The following PCNT variants were observed in gnomAD, a reference collection of about 807,000 sequenced individuals.
PCNT encodes pericentrin, also known as kendrin.
Under a neutral mutation model 380.4 loss-of-function variants are expected in PCNT, and 319 were observed. The observed-to-expected ratio is 0.84, with a 90% confidence interval of 0.77 to 0.92. The LOEUF is 0.92. Among genes scored for constraint, PCNT ranks in the 40% least tolerant of loss-of-function variants. The pLI is 0.00. For synonymous variants in PCNT, 1,845 were observed against 1,735.2 expected, an observed-to-expected ratio of 1.06 and a Z score of -1.57; for missense variants, 4,400 against 4,255.3, an observed-to-expected ratio of 1.03 and a Z score of -0.95.
At chr21:46,419,743 C>T (rs776516899) in intron 31 of PCNT, among the ~76,000 whole-genome samples, 1 of 152,168 alleles carries the variant, frequency 6.6e-6, no homozygotes, top group Non-Finnish European at 1.5e-5. Flanking sequence ...CCCTCCTCAA[C>T]GGTCTCTTAT....
Position 46,348,852 on chromosome 21 carries a change from C to G in PCNT, c.1033-160C>G, listed in dbSNP as rs111638784. 6.3e-3 allele frequency among the ~76,000 whole-genome samples: 960 copies of G among 152,170 alleles called. 12 individuals carry two copies. The highest frequency in any genetic ancestry group is 0.022 in the African/African-American group (920 of 41,516). On this transcript the variant is annotated intron_variant, in intron 6 of 46. Transcript: ENST00000359568. Reference sequence around the variant, plus strand: ...CCGGGCTGGTCTGTAACCCTAACTCCTGGGCTCAGGCGATCTGCCTGCCTC... The same window carrying G: ...CCGGGCTGGTCTGTAACCCTAACTCGTGGGCTCAGGCGATCTGCCTGCCTC...
intron 32 of PCNT, among the ~76,000 whole-genome samples, chr21:46,423,154 A>G (rs1193053770): frequency 8.4e-6 from 1 of 119,726 alleles, no homozygotes; most frequent in Non-Finnish European, 1.9e-5. Flanking sequence ...TTAAACATGG[A>G]AATTGGAGAT....
chr21:46,384,818 G>A (rs187384828), intron 16 of PCNT, among the ~76,000 whole-genome samples: 18 of 152,104 alleles, frequency 1.2e-4, no homozygotes, highest in East Asian at 9.6e-4. Flanking sequence ...TGCGTTGAGC[G>A]GCGGAAGCGC....
At chr21:46,430,900 C>CT (rs994427043) in intron 37 of PCNT, 8 of 985,336 alleles carry the variant, frequency 8.1e-6, no homozygotes, top group Non-Finnish European at 9.6e-6. Context: ...GGAGCCCCCC[C>CT]CCGTCCCTGA....
At chr21:46,373,252 AG>A (rs1305653076) in intron 15 of PCNT, among the ~76,000 whole-genome samples, 1 of 151,696 alleles carries the variant, frequency 6.6e-6, no homozygotes, top group Non-Finnish European at 1.5e-5. Context: ...CCTGGCCTCA[AG>A]CAATCCTTTT....
At chr21:46,436,341 G>GA (rs1053185903) in intron 39 of PCNT, among the ~76,000 whole-genome samples, 193 bp downstream of exon 39, 20 of 152,106 alleles carry the variant, frequency 1.3e-4, no homozygotes, top group South Asian at 4.1e-4. Flanking sequence ...TAATGTCAGA[G>GA]AAAAAAATCC....
Position 46,349,658 on chromosome 21 carries a change from C to G in PCNT, c.1208-26C>G, listed in dbSNP as rs1438246278. The G allele has an allele frequency of 2.5e-6, 4 of 1,611,728 alleles. 1 individual carries two copies. Among genetic ancestry groups the G allele is most frequent in the Middle Eastern group, 3.3e-4 (2 of 6,048 alleles). ...TTGAGGAGAGTGATGTCTTGTAAAC[C>G]AAGTGCCATTGCTTTACCTTTCTAG... On this transcript the variant is annotated intron_variant, in intron 7 of 46. Transcript: ENST00000359568.
In PCNT at chr21:46,366,701, G is replaced by A; in HGVS notation, c.2727G>A (p.Gln909=). The change falls in exon 15 of 47, where the codon CAG becomes CAA. Residue 909 remains glutamine, a synonymous_variant. Coordinates refer to ENST00000359568, the MANE Select transcript of PCNT (RefSeq NM_006031.6). ...RELQLLQERH[Q]QQLLSVTAEL... ...TGCAGCTCCTCCAGGAGAGACACCA[G>A]CAGCAGCTCCTGTCAGTGACGGCGG... 2 of 1,613,828 alleles carry A rather than the reference G, an allele frequency of 1.2e-6. No homozygotes were observed. The highest frequency in any genetic ancestry group is 1.7e-6 in the Non-Finnish European group (2 of 1,180,044).
intron 15 of PCNT, among the ~76,000 whole-genome samples, chr21:46,378,391 C>T (rs982557990): frequency 4.6e-5 from 7 of 152,192 alleles, no homozygotes; most frequent in Non-Finnish European, 8.8e-5. Flanking sequence ...TGCAATTGAA[C>T]GGCCTCTCTT....
At chr21:46,364,658 T>C (rs1021233084) in intron 14 of PCNT, among the ~76,000 whole-genome samples, 1 of 152,224 alleles carries the variant, frequency 6.6e-6, no homozygotes, top group Non-Finnish European at 1.5e-5. Flanking sequence ...TAGAAAGTGA[T>C]TGGGTTCTTT....
At chr21:46,432,314 T>G (rs1038082519) in intron 38 of PCNT, 99 bp downstream of exon 38, 5 of 1,129,002 alleles carry the variant, frequency 4.4e-6, no homozygotes, top group Non-Finnish European at 6.5e-6. Flanking sequence ...TGTCTGGCCC[T>G]CTGACCTGGT....
At position 46,367,218 on chromosome 21, in the gene PCNT, C is replaced by T; in HGVS notation, c.3165+79C>T. 7 of 1,233,796 alleles carry T rather than the reference C, an allele frequency of 5.7e-6. No individual in the cohort carries two copies. The South Asian group carries it at 7.4e-5, about 13-fold the overall frequency. 76.4% of individuals were successfully genotyped at this position (1,233,796 alleles called of 1,614,324 possible). ...TGTGTTTCCACCGCGTGTCACATGT[C>T]TGCGTGCGTGCTGTGTGTGCCTGTG... On this transcript the variant is annotated intron_variant, in intron 15 of 46. Coordinates refer to ENST00000359568, the MANE Select transcript of PCNT (RefSeq NM_006031.6).
rs1020296196 is a variant in PCNT, at chr21:46,388,510, A to C, written c.3465-232A>C. Among the ~76,000 whole-genome samples, 2 of 152,220 alleles carry C rather than the reference A, an allele frequency of 1.3e-5. No homozygotes were observed. Among genetic ancestry groups the C allele is most frequent in the Non-Finnish European group, 2.9e-5 (2 of 68,036 alleles). ...TTACACATCAGAAATGGCATCAGGA[A>C]GACCTCACCTAGGAAAGCCCGTGTC... On this transcript the variant is annotated intron_variant, in intron 17 of 46. Transcript: ENST00000359568. The surrounding 1 kb of genome is among the most constrained non-coding windows in gnomAD (Gnocchi z 4.2).
chr21:46,325,969 G>A (rs1195684842), intron 1 of PCNT, among the ~76,000 whole-genome samples: 1 of 152,200 alleles, frequency 6.6e-6, no homozygotes, highest in Non-Finnish European at 1.5e-5. Flanking sequence ...TTTTGGCTGG[G>A]CTATATATTT....
chr21:46,389,017 G>T, intron 18 of PCNT, 133 bp downstream of exon 18: 4 of 1,412,768 alleles, frequency 2.8e-6, no homozygotes, highest in South Asian at 1.2e-5. Context: ...GCTAGTTTCC[G>T]CACTTACAGA....
intron 17 of PCNT, among the ~76,000 whole-genome samples, chr21:46,386,700 C>G (rs1350076998): frequency 6.6e-6 from 1 of 152,234 alleles, no homozygotes; most frequent in East Asian, 1.9e-4. Context: ...AAACTTTTTG[C>G]TCCTCTGACA....
Position 46,370,852 on chromosome 21 carries a change from G to T in PCNT, c.3165+3713G>T, listed in dbSNP as rs931678729. Among the ~76,000 whole-genome samples, 15 of 152,268 alleles carry T rather than the reference G, an allele frequency of 9.9e-5. No individual in the cohort carries two copies. The South Asian group carries it at 3.1e-3, about 32-fold the overall frequency. On this transcript the variant is annotated intron_variant, in intron 15 of 46. Transcript: ENST00000359568. ...AGATCAAGACCGTCCTGGCTAACAC[G>T]GTGGAACCCCGTTTCTACTAAAAAT...
chr21:46,368,790 A>G (rs1328491175), intron 15 of PCNT, among the ~76,000 whole-genome samples: 4 of 152,326 alleles, frequency 2.6e-5, no homozygotes, highest in Non-Finnish European at 5.9e-5. Context: ...GCAGTTAGAA[A>G]TGGTTGTTCT....
At chr21:46,404,841 A>G (rs2086577139) in intron 27 of PCNT, among the ~76,000 whole-genome samples, 1 of 152,130 alleles carries the variant, frequency 6.6e-6, no homozygotes, top group Admixed American at 6.5e-5. Flanking sequence ...AGACTGAGGC[A>G]GGAGAATCAC....
Sources: allele counts gnomAD v4.1 joint callset (sites outside exome capture counted in the v4.1 genomes callset), GRCh38; gene constraint gnomAD v4.1.1; non-coding constraint Gnocchi (gnomAD v3.1); transcripts MANE v1.5; gene names NCBI Gene and HGNC (gene_info 2026-07-23, HGNC 2026-07-21).